The following IRAK1BP1 variants were observed in gnomAD, a reference collection of about 807,000 sequenced individuals.
The protein encoded by IRAK1BP1 is interleukin-1 receptor-associated kinase 1-binding protein 1.
In IRAK1BP1, 24 loss-of-function variants were observed where a neutral mutation model predicts 28.0. That is an observed-to-expected ratio of 0.86 (90% CI 0.62 to 1.20). IRAK1BP1 has a LOEUF of 1.20. Ranked by LOEUF, IRAK1BP1 falls within the 50% of genes most tolerant of loss-of-function variation. The pLI, the probability that IRAK1BP1 is intolerant of heterozygous loss-of-function variation, is 0.00. For synonymous variants in IRAK1BP1, 131 were observed against 116.3 expected, an observed-to-expected ratio of 1.13 and a Z score of -0.81; for missense variants, 336 against 316.7, an observed-to-expected ratio of 1.06 and a Z score of -0.46.
chr6:78,925,339 C>A (rs1182150084), intron 4 of IRAK1BP1, among the ~76,000 whole-genome samples: 2 of 151,652 alleles, frequency 1.3e-5, no homozygotes, highest in Admixed American at 1.3e-4. Flanking sequence ...AATCCACAAG[C>A]AAAAAAACCA....
At chr6:78,970,353 T>C in the IRAK1BP1 span, among the ~76,000 whole-genome samples, 1 of 152,096 alleles carries the variant, frequency 6.6e-6, no homozygotes. Context: ...GTATGCAAGT[T>C]ACAATGAAAT....
downstream of IRAK1BP1, among the ~76,000 whole-genome samples, chr6:78,949,847 C>T (rs1172691546): frequency 6.6e-6 from 1 of 152,008 alleles, no homozygotes; most frequent in African/African-American, 2.4e-5. Context: ...CGCCACTGCA[C>T]CCGGTTAATT....
rs977276882 is a variant in IRAK1BP1 at position 78,901,242 on chromosome 6, T to C, written c.*2908T>C. The C allele has an allele frequency of 6.6e-6, 1 of 151,690 alleles. No homozygotes were observed. The highest frequency in any genetic ancestry group is 1.5e-5 in the Non-Finnish European group (1 of 67,886). The allele number at this position is 151,690 out of a possible 1,614,324, so 9.4% of individuals were successfully genotyped here. ...AATTTCCAGGAACTTTTAAAGATGTTGTCTCCAAAAAAAACAAAAAAATCC... is the reference window on the plus strand; with the variant it reads ...AATTTCCAGGAACTTTTAAAGATGTCGTCTCCAAAAAAAACAAAAAAATCC... On this transcript the variant is annotated 3_prime_UTR_variant, in exon 4 of 4. Coordinates refer to ENST00000369940, the MANE Select transcript of IRAK1BP1 (RefSeq NM_001010844.4).
At chr6:78,954,908 G>A in the IRAK1BP1 span, 4 of 1,585,000 alleles carry the variant, frequency 2.5e-6, no homozygotes, top group Non-Finnish European at 3.4e-6. Flanking sequence ...TTTCTTCCAT[G>A]CTTGAATATC....
chr6:78,870,258 GAA>G (rs1770750908), intron 1 of IRAK1BP1, among the ~76,000 whole-genome samples: 1 of 133,764 alleles, frequency 7.5e-6, no homozygotes, highest in African/African-American at 2.9e-5. Context: ...AAAAAAAAAA[GAA>G]AAGAAAAGAA....
At chr6:78,961,804 G>A in the IRAK1BP1 span, 1 of 1,606,596 alleles carries the variant, frequency 6.2e-7, no homozygotes, top group African/African-American at 1.3e-5. Context: ...AAATGCTGAG[G>A]CAATATCTAA....
intron 1 of IRAK1BP1, among the ~76,000 whole-genome samples, chr6:78,882,536 T>C (rs1422529395): frequency 6.6e-6 from 1 of 152,174 alleles, no homozygotes; most frequent in African/African-American, 2.4e-5. Context: ...AAAAGGCATT[T>C]CACCTCTATG....
At chr6:78,896,143 A>C (rs763756245) in intron 2 of IRAK1BP1, among the ~76,000 whole-genome samples, 8 of 152,234 alleles carry the variant, frequency 5.3e-5, no homozygotes, top group Non-Finnish European at 1.2e-4. Flanking sequence ...AAGATTCACT[A>C]TTCCAGATAT....
chr6:78,903,851 T>A (rs187998825), downstream of IRAK1BP1, among the ~76,000 whole-genome samples: 98 of 152,282 alleles, frequency 6.4e-4, 1 homozygote, highest in South Asian at 8.1e-3. Flanking sequence ...AAGAGTAAAA[T>A]ACAGACATAT....
chr6:78,885,899 C>G (rs1771415807), intron 2 of IRAK1BP1, among the ~76,000 whole-genome samples: 1 of 152,158 alleles, frequency 6.6e-6, no homozygotes, highest in African/African-American at 2.4e-5. Context: ...AAACTATTTT[C>G]AGTACACTCA....
At chr6:78,955,131 A>G in the IRAK1BP1 span, 1 of 909,622 alleles carries the variant, frequency 1.1e-6, no homozygotes, top group Non-Finnish European at 1.6e-6. Flanking sequence ...AATTTGAAAT[A>G]CTTAATGTCT....
intron 4 of IRAK1BP1, chr6:78,941,218 A>C (rs1369466541): frequency 6.2e-7 from 1 of 1,613,906 alleles, no homozygotes; most frequent in Admixed American, 1.7e-5. Context: ...TATTGGTATT[A>C]ACTTCTACTT....
chr6:78,972,067 T>C, the IRAK1BP1 span, among the ~76,000 whole-genome samples: 1 of 152,092 alleles, frequency 6.6e-6, no homozygotes, highest in Admixed American at 6.6e-5. Flanking sequence ...GCTCCACCTC[T>C]GGGGGCAGGG....
At chr6:78,895,225 T>C (rs909701365) in intron 2 of IRAK1BP1, among the ~76,000 whole-genome samples, 1 of 152,120 alleles carries the variant, frequency 6.6e-6, no homozygotes, top group African/African-American at 2.4e-5. Context: ...TGCTGAATTT[T>C]AAAACATACT....
chr6:78,879,212 A>G (rs1007769688), intron 1 of IRAK1BP1, among the ~76,000 whole-genome samples: 2 of 151,950 alleles, frequency 1.3e-5, no homozygotes, highest in African/African-American at 4.8e-5. Context: ...GGGTGGGGGT[A>G]GGGGGTAGGG....
the IRAK1BP1 span, chr6:78,957,412 T>G: frequency 6.6e-6 from 1 of 151,780 alleles, no homozygotes; most frequent in African/African-American, 2.4e-5. Flanking sequence ...TGGAAAGCAA[T>G]AGATTTCTTA....
chr6:78,951,559 A>G, the IRAK1BP1 span, among the ~76,000 whole-genome samples: 1 of 152,196 alleles, frequency 6.6e-6, no homozygotes, highest in Non-Finnish European at 1.5e-5. Flanking sequence ...CTCTTCTGTG[A>G]CAGTAATTAA....
chr6:78,945,426 G>A (rs1402227452), exon 5 of IRAK1BP1: 3 of 1,610,992 alleles, frequency 1.9e-6, no homozygotes, highest in Non-Finnish European at 1.7e-6. Flanking sequence ...CTAGTGCCAT[G>A]ACTAAAACTG....
At chr6:78,881,601 C>G (rs932570752) in intron 1 of IRAK1BP1, among the ~76,000 whole-genome samples, 1 of 152,078 alleles carries the variant, frequency 6.6e-6, no homozygotes, top group African/African-American at 2.4e-5. Context: ...GAACCCAGTT[C>G]TTACAAATGA....
Sources: allele counts gnomAD v4.1 joint callset (sites outside exome capture counted in the v4.1 genomes callset), GRCh38; gene constraint gnomAD v4.1.1; transcripts MANE v1.5; gene names NCBI Gene and HGNC (gene_info 2026-07-23, HGNC 2026-07-21).